The following STAT1 variants were observed in gnomAD, a reference collection of about 807,000 sequenced individuals.
STAT1 encodes the protein signal transducer and activator of transcription 1-alpha/beta.
Under a neutral mutation model 111.7 loss-of-function variants are expected in STAT1, and 24 were observed. That is an observed-to-expected ratio of 0.21 (90% CI 0.16 to 0.30). STAT1 has a LOEUF of 0.30. Among genes scored for constraint, STAT1 ranks in the 10% least tolerant of loss-of-function variants. The pLI, the probability that STAT1 is intolerant of heterozygous loss-of-function variation, is 1.00. For synonymous variants in STAT1, 332 were observed against 326.5 expected, an observed-to-expected ratio of 1.02 and a Z score of -0.18; for missense variants, 351 against 911.9, an observed-to-expected ratio of 0.38 and a Z score of 7.92.
chr2:190,990,184 T>C lies in STAT1; in HGVS notation c.1038-510A>G, dbSNP rs1049571436. 6.6e-6 allele frequency among the ~76,000 whole-genome samples: 1 copy of C among 152,230 alleles called. No homozygotes were observed. On this transcript the variant is annotated intron_variant, in intron 11 of 24. Coordinates refer to ENST00000361099, the MANE Select transcript of STAT1 (RefSeq NM_007315.4). The surrounding 1 kb of genome is among the most constrained non-coding windows in gnomAD (Gnocchi z 5.1). ...GAGGGCAGGTGAGAGGGTGTACCTC[T>C]GCTCCACTGAGCTGGAGACTTTGAG...
rs901089229 is a variant in STAT1, at chr2:190,995,053, T to C, written c.944+8A>G. On this transcript the variant is annotated splice_region_variant and intron_variant, in intron 10 of 24. Transcript: ENST00000361099. The surrounding 1 kb of genome is among the most constrained non-coding windows in gnomAD (Gnocchi z 4.2). ...ACAGAAGGTACAAATAAATGTCCCT[T>C]GAGTTACCTCTGAATGAGCTGCTGG... is the stretch of plus-strand genomic sequence containing the variant. The C allele has an allele frequency of 1.2e-6, 2 of 1,611,694 alleles. No individual in the cohort carries two copies. Among genetic ancestry groups the C allele is most frequent in the Middle Eastern group, 1.7e-4 (1 of 6,058 alleles).
rs2125100744 is a variant in STAT1 at position 191,008,999 on chromosome 2, T to C, written c.237A>G (p.Leu79=). The C allele has an allele frequency of 6.2e-7, 1 of 1,614,030 alleles. No individual in the cohort carries two copies. The highest frequency in any genetic ancestry group is 8.5e-7 in the Non-Finnish European group (1 of 1,179,932). Residue 79 remains leucine, a synonymous_variant, in exon 4 of 25, where the codon CTA becomes CTG. Transcript: ENST00000361099. The part of the protein sequence containing the change: ...SRFSLENNFL[L]QHNIRKSKRN... ...GCTTGCTTTTCCTTATGTTATGCTG[T>C]AGCAAGAAGTTATTCTCCAAAGAAA...
intron 2 of STAT1, chr2:191,010,283 C>T (rs1695022775): frequency 8.2e-6 from 4 of 490,716 alleles, no homozygotes; most frequent in Admixed American, 2.4e-5. Context: ...ATTTAAACTG[C>T]AACCACCTCC....
In STAT1 at chr2:190,990,778, T is replaced by G. The variant is rs1693259546; in HGVS notation, c.1037+450A>C. Among the ~76,000 whole-genome samples the G allele has an allele frequency of 6.6e-6, 1 of 152,214 alleles. No individual in the cohort carries two copies. On this transcript the variant is annotated intron_variant, in intron 11 of 24. Coordinates refer to ENST00000361099, the MANE Select transcript of STAT1 (RefSeq NM_007315.4). This position sits in a 1 kb window ranked among gnomAD's most constrained non-coding sequence, Gnocchi z 5.1. Reference sequence around the variant, plus strand: ...ATTTACTGTGGTGGTCCACAGATATTTATATCACGGACTGCTTTGAGAAAC... The same window carrying G: ...ATTTACTGTGGTGGTCCACAGATATGTATATCACGGACTGCTTTGAGAAAC...
Position 190,983,562 on chromosome 2 carries a change from G to A in STAT1, c.1446+80C>T. The A allele has an allele frequency of 8.0e-7, 1 of 1,253,158 alleles. No individual in the cohort carries two copies. Among genetic ancestry groups the A allele is most frequent in the Non-Finnish European group, 1.2e-6 (1 of 852,332 alleles). 77.6% of individuals were successfully genotyped at this position (1,253,158 alleles called of 1,614,324 possible). A position where few individuals can be genotyped will look rare whatever the true frequency, so the allele number is the denominator to read the frequency against. ...ACTTCTCCCTTAACAACTGGCCATT[G>A]GGGCTATTTCAGAGATGCAGCAGTG... On this transcript the variant is annotated intron_variant, in intron 17 of 24. Coordinates refer to ENST00000361099, the MANE Select transcript of STAT1 (RefSeq NM_007315.4). The surrounding 1 kb of genome is among the most constrained non-coding windows in gnomAD (Gnocchi z 5.7).
Position 190,995,288 on chromosome 2 carries a change from C to T in STAT1, c.786-69G>A. 6.9e-7 allele frequency: 1 copy of T among 1,459,242 alleles called. No homozygotes were observed. The highest frequency in any genetic ancestry group is 9.6e-7 in the Non-Finnish European group (1 of 1,042,182). 90.4% of individuals were successfully genotyped at this position (1,459,242 alleles called of 1,614,324 possible). A position where few individuals can be genotyped will look rare whatever the true frequency, so the allele number is the denominator to read the frequency against. On this transcript the variant is annotated intron_variant, in intron 9 of 24. Coordinates refer to ENST00000361099, the MANE Select transcript of STAT1 (RefSeq NM_007315.4). This position sits in a 1 kb window ranked among gnomAD's most constrained non-coding sequence, Gnocchi z 4.2. ...AGAAGCAGCCTGGATTAAAGGGAAT[C>T]ATGGTATATTAGTCCATTCTCATGC...
rs972881307 is a variant in STAT1 at position 190,984,904 on chromosome 2, C to T, written c.1264-511G>A. ...CTCATGTGAGCCTCACAACTTAGAACTAGAGAGGTGCAACAGCTAGACCCA... is the reference window on the plus strand; with the variant it reads ...CTCATGTGAGCCTCACAACTTAGAATTAGAGAGGTGCAACAGCTAGACCCA... On this transcript the variant is annotated intron_variant, in intron 15 of 24. Coordinates refer to ENST00000361099, the MANE Select transcript of STAT1 (RefSeq NM_007315.4). The surrounding 1 kb of genome is among the most constrained non-coding windows in gnomAD (Gnocchi z 5.2). Among the ~76,000 whole-genome samples, 1 of 152,188 alleles carries T rather than the reference C, an allele frequency of 6.6e-6. No homozygotes were observed. Among genetic ancestry groups the T allele is most frequent in the Non-Finnish European group, 1.5e-5 (1 of 68,034 alleles).
rs45466700 is a variant in STAT1, at chr2:190,993,042, G to A, written c.945-1722C>T. Reference sequence around the variant, plus strand: ...TGACCTCAGGTGATCCACCCACCTCGGCCTCCCAAAGTGCTGGGATTACAG... The same window carrying A: ...TGACCTCAGGTGATCCACCCACCTCAGCCTCCCAAAGTGCTGGGATTACAG... On this transcript the variant is annotated intron_variant, in intron 10 of 24. Coordinates refer to ENST00000361099, the MANE Select transcript of STAT1 (RefSeq NM_007315.4). The surrounding 1 kb of genome is among the most constrained non-coding windows in gnomAD (Gnocchi z 4.1). 199 of 306,032 alleles carry A rather than the reference G, an allele frequency of 6.5e-4. 1 individual carries two copies. The highest frequency in any genetic ancestry group is 6.0e-3 in the South Asian group (192 of 32,090). The allele number at this position is 306,032 out of a possible 1,614,324, so 19.0% of individuals were successfully genotyped here.
Position 190,986,536 on chromosome 2 carries a change from C to T in STAT1, c.1221+318G>A, listed in dbSNP as rs566023377. Among the ~76,000 whole-genome samples, 1 of 152,190 alleles carries T rather than the reference C, an allele frequency of 6.6e-6. No homozygotes were observed. The highest frequency in any genetic ancestry group is 1.5e-5 in the Non-Finnish European group (1 of 68,038). On this transcript the variant is annotated intron_variant, in intron 14 of 24. Transcript: ENST00000361099. This position sits in a 1 kb window ranked among gnomAD's most constrained non-coding sequence, Gnocchi z 5.0. ...ACAGTCAGGACACGGGAGCCATAAC[C>T]TTTGAGAAAACTGCAAGCGTAGGTG...
chr2:190,997,680 T>C lies in STAT1; in HGVS notation c.785+176A>G, dbSNP rs926993036. 2.6e-5 allele frequency among the ~76,000 whole-genome samples: 4 copies of C among 152,190 alleles called. No individual in the cohort carries two copies. Among genetic ancestry groups the C allele is most frequent in the African/African-American group, 7.2e-5 (3 of 41,440 alleles). On this transcript the variant is annotated intron_variant, in intron 9 of 24. Coordinates refer to ENST00000361099, the MANE Select transcript of STAT1 (RefSeq NM_007315.4). The surrounding 1 kb of genome is among the most constrained non-coding windows in gnomAD (Gnocchi z 7.3). ...ACGTGGCTGAACGTGGCGAGAGTCA[T>C]GAATAACACTGTGCTTTCCAAGGGA...
chr2:190,994,501 G>T (rs1202947347), intron 10 of STAT1, among the ~76,000 whole-genome samples: 2 of 152,046 alleles, frequency 1.3e-5, no homozygotes, highest in Non-Finnish European at 2.9e-5. Flanking sequence ...GGCATGTTAG[G>T]GTCACGGCGG....
chr2:190,990,807 T>G lies in STAT1; in HGVS notation c.1037+421A>C, dbSNP rs902015645. ...ATCACGGACTGCTTTGAGAAACTGA[T>G]GAAAGCTATAAATCCATCCATCAGA... is the stretch of plus-strand genomic sequence containing the variant. On this transcript the variant is annotated intron_variant, in intron 11 of 24. Transcript: ENST00000361099. This position sits in a 1 kb window ranked among gnomAD's most constrained non-coding sequence, Gnocchi z 5.1. Among the ~76,000 whole-genome samples, 1 of 152,208 alleles carries G rather than the reference T, an allele frequency of 6.6e-6. No homozygotes were observed. Among genetic ancestry groups the G allele is most frequent in the Non-Finnish European group, 1.5e-5 (1 of 68,030 alleles).
Position 190,973,438 on chromosome 2 carries a change from A to G in STAT1, c.2238+1392T>C, listed in dbSNP as rs1691656807. Among the ~76,000 whole-genome samples the G allele has an allele frequency of 6.6e-6, 1 of 152,162 alleles. No homozygotes were observed. The highest frequency in any genetic ancestry group is 2.1e-4 in the South Asian group (1 of 4,828). On this transcript the variant is annotated intron_variant, in intron 24 of 24. Coordinates refer to ENST00000361099, the MANE Select transcript of STAT1 (RefSeq NM_007315.4). The surrounding 1 kb of genome is among the most constrained non-coding windows in gnomAD (Gnocchi z 4.4). ...CTCAGAAGGTGGCTGTGAGGACTGA[A>G]TGAGTTACTACCTGTGAAGTACATG...
intron 10 of STAT1, chr2:190,992,757 A>C: frequency 1.3e-6 from 1 of 769,656 alleles, no homozygotes; most frequent in Non-Finnish European, 1.9e-6. Context: ...AGCTGCCATC[A>C]TCATGGAACA....
rs977584638 is a variant in STAT1 at position 190,984,498 on chromosome 2, A to C, written c.1264-105T>G. On this transcript the variant is annotated intron_variant, in intron 15 of 24. Coordinates refer to ENST00000361099, the MANE Select transcript of STAT1 (RefSeq NM_007315.4). The surrounding 1 kb of genome is among the most constrained non-coding windows in gnomAD (Gnocchi z 5.2). ...AACAGGCCACAGAGATCCTGGGCCC[A>C]ATCAGTGGCAAGTCTGAAGACTCAA... is the stretch of plus-strand genomic sequence containing the variant. 3 of 889,128 alleles carry C rather than the reference A, an allele frequency of 3.4e-6. No homozygotes were observed. Among genetic ancestry groups the C allele is most frequent in the African/African-American group, 3.3e-5 (2 of 60,728 alleles). The allele number at this position is 889,128 out of a possible 1,614,324, so 55.1% of individuals were successfully genotyped here.
At chr2:191,002,118 C>T (rs1694317411) in intron 5 of STAT1, among the ~76,000 whole-genome samples, 1 of 152,166 alleles carries the variant, frequency 6.6e-6, no homozygotes, top group African/African-American at 2.4e-5. Context: ...ACTCATTTCC[C>T]TAGCACTTGC....
rs766536149 is a variant in STAT1, at chr2:190,990,988, G to A, written c.1037+240C>T. On this transcript the variant is annotated intron_variant, in intron 11 of 24. Transcript: ENST00000361099. The surrounding 1 kb of genome is among the most constrained non-coding windows in gnomAD (Gnocchi z 5.1). ...TGGAATTCTGTTTTCCTGTGAACAC[G>A]CATTACATTTATGATTGGAAAAAAA... Among the ~76,000 whole-genome samples the A allele has an allele frequency of 6.6e-6, 1 of 152,048 alleles. No homozygotes were observed. Among genetic ancestry groups the A allele is most frequent in the Non-Finnish European group, 1.5e-5 (1 of 68,020 alleles).
chr2:190,975,473 G>T lies in STAT1; in HGVS notation c.2135+339C>A. On this transcript the variant is annotated intron_variant, in intron 23 of 24. Transcript: ENST00000361099. The surrounding 1 kb of genome is among the most constrained non-coding windows in gnomAD (Gnocchi z 5.9). ...AAACAACAAAATCAAAGCAAGTGGA[G>T]ACAGTGTATCTCAATCATTACTTTG... The T allele has an allele frequency of 1.0e-6, 1 of 986,850 alleles. No homozygotes were observed. The highest frequency in any genetic ancestry group is 1.5e-6 in the Non-Finnish European group (1 of 686,304). 61.1% of individuals were successfully genotyped at this position (986,850 alleles called of 1,614,324 possible). A position where few individuals can be genotyped will look rare whatever the true frequency, so the allele number is the denominator to read the frequency against.
chr2:190,989,452 G>T lies in STAT1; in HGVS notation c.1097+163C>A, dbSNP rs1693144352. ...CTCTGCTCATGCGCAGCATTGTCAG[G>T]ACTCTGGGTTCAGCCCTGGGGCCCT... On this transcript the variant is annotated intron_variant, in intron 12 of 24. Coordinates refer to ENST00000361099, the MANE Select transcript of STAT1 (RefSeq NM_007315.4). The surrounding 1 kb of genome is among the most constrained non-coding windows in gnomAD (Gnocchi z 5.0). Among the ~76,000 whole-genome samples, 1 of 152,208 alleles carries T rather than the reference G, an allele frequency of 6.6e-6. No homozygotes were observed. The highest frequency in any genetic ancestry group is 1.5e-5 in the Non-Finnish European group (1 of 68,032).
Sources: allele counts gnomAD v4.1 joint callset (sites outside exome capture counted in the v4.1 genomes callset), GRCh38; gene constraint gnomAD v4.1.1; non-coding constraint Gnocchi (gnomAD v3.1); transcripts MANE v1.5; gene names NCBI Gene and HGNC (gene_info 2026-07-23, HGNC 2026-07-21).